BTBD9: variants seen among roughly 807,000 people sequenced by gnomAD.
The protein encoded by BTBD9 is BTB/POZ domain-containing protein 9.
In BTBD9, 49 loss-of-function variants were observed where a neutral mutation model predicts 64.3. The observed-to-expected ratio is 0.76, with a 90% CI of 0.61 to 0.97. BTBD9 has a LOEUF of 0.97. BTBD9 is among the 50% of genes least tolerant of loss of function. The probability of loss-of-function intolerance (pLI) is 0.00; values close to 1 mark genes in which losing one functional copy is unlikely to be tolerated. For synonymous variants in BTBD9, 260 were observed against 274.7 expected (o/e 0.95, Z 0.53); for missense variants, 598 against 762.1 (o/e 0.78, Z 2.53).
intron 6 of BTBD9, among the ~76,000 whole-genome samples, chr6:38,367,544 T>C (rs762015637): frequency 3.4e-4 from 51 of 152,032 alleles, no homozygotes; most frequent in Non-Finnish European, 6.0e-4. Flanking sequence ...ATGTTTGCAG[T>C]GAGGGCTCAA....
chr6:38,472,028 T>C (rs1477131020), intron 6 of BTBD9, among the ~76,000 whole-genome samples: 3 of 152,208 alleles, frequency 2.0e-5, no homozygotes, highest in African/African-American at 7.2e-5. Context: ...GATTCCACTT[T>C]GCCTCTGTAG....
chr6:38,436,557 G>A (rs9349082), intron 6 of BTBD9, among the ~76,000 whole-genome samples: 31,057 of 151,480 alleles, frequency 0.21, 3,927 homozygotes, highest in East Asian at 0.48. Context: ...TGTATTTTTA[G>A]TAGAGACGGA....
At chr6:38,502,342 G>A (rs1412642455) in intron 6 of BTBD9, among the ~76,000 whole-genome samples, 1 of 152,078 alleles carries the variant, frequency 6.6e-6, no homozygotes, top group Non-Finnish European at 1.5e-5. Context: ...TTTTTCCATG[G>A]TGTATTCTCT....
intron 7 of BTBD9, among the ~76,000 whole-genome samples, chr6:38,321,889 GT>G (rs1317465243): frequency 6.6e-6 from 1 of 151,260 alleles, no homozygotes; most frequent in Non-Finnish European, 1.5e-5. Flanking sequence ...AAGAGAAACA[GT>G]TTTTTTCAAA....
chr6:38,405,341 C>T (rs1767116862), intron 6 of BTBD9, among the ~76,000 whole-genome samples: 1 of 152,146 alleles, frequency 6.6e-6, no homozygotes, highest in Admixed American at 6.5e-5. Flanking sequence ...CATTGTAGGG[C>T]TCCTGCCAAC....
chr6:38,594,186 C>T lies in BTBD9; in HGVS notation c.327G>A (p.Val109=). ...GAGCCAGGCTCAAAAAGTCCAGCAG[C>T]ACCTCCTCCTTCTCATCTGTCAGCG... is the stretch of plus-strand genomic sequence containing the variant. ...RATLTDEKEE[V]LLDFLSLAHK... is the part of the protein sequence containing the mutation. The change falls in exon 3 of 11, where the codon GTG becomes GTA. Residue 109 remains valine (V), a synonymous_variant. Transcript: ENST00000481247. The T allele has an allele frequency of 6.2e-7, 1 of 1,614,208 alleles. No homozygotes were observed.
intron 8 of BTBD9, among the ~76,000 whole-genome samples, chr6:38,278,638 A>T (rs915916574): frequency 4.6e-5 from 7 of 152,200 alleles, no homozygotes; most frequent in African/African-American, 1.7e-4. Context: ...CTATGCTTTG[A>T]TTTCTTCATC....
chr6:38,396,972 G>A (rs1334875283), intron 6 of BTBD9, among the ~76,000 whole-genome samples: 30 of 143,558 alleles, frequency 2.1e-4, no homozygotes, highest in Non-Finnish European at 1.5e-5. Flanking sequence ...CGCAATCTCG[G>A]CTCACTGCAA....
chr6:38,421,183 T>A (rs1453833059), intron 6 of BTBD9, among the ~76,000 whole-genome samples: 3 of 151,666 alleles, frequency 2.0e-5, no homozygotes, highest in Non-Finnish European at 4.4e-5. Context: ...CAAAACCCCA[T>A]CTCCACTAAA....
chr6:38,522,431 C>T (rs1773313168), intron 6 of BTBD9, among the ~76,000 whole-genome samples: 1 of 152,218 alleles, frequency 6.6e-6, no homozygotes, highest in African/African-American at 2.4e-5. Context: ...GATTCAATAA[C>T]TATTTTAGGC....
At chr6:38,575,718 C>G (rs1302492007) in intron 6 of BTBD9, among the ~76,000 whole-genome samples, 7 of 151,944 alleles carry the variant, frequency 4.6e-5, no homozygotes, top group Non-Finnish European at 7.4e-5. Context: ...TTAAAAAATT[C>G]TTATTAACAT....
intron 8 of BTBD9, among the ~76,000 whole-genome samples, chr6:38,261,718 C>CT (rs1561941117): frequency 6.6e-6 from 1 of 152,160 alleles, no homozygotes; most frequent in Non-Finnish European, 1.5e-5. Flanking sequence ...GGCCTAAATT[C>CT]TTTTTTTCTG....
chr6:38,255,873 A>C (rs552418249), intron 9 of BTBD9, among the ~76,000 whole-genome samples: 2 of 152,132 alleles, frequency 1.3e-5, no homozygotes, highest in Non-Finnish European at 2.9e-5. Context: ...CAATGAGAAC[A>C]CTTGGACATA....
chr6:38,564,329 T>G (rs555039655), intron 6 of BTBD9, among the ~76,000 whole-genome samples: 1 of 152,342 alleles, frequency 6.6e-6, no homozygotes, highest in East Asian at 1.9e-4. Flanking sequence ...CTGTTAATTC[T>G]AGTCCCAGTA....
At chr6:38,343,279 C>T (rs1267098319) in intron 7 of BTBD9, among the ~76,000 whole-genome samples, 1 of 152,160 alleles carries the variant, frequency 6.6e-6, no homozygotes, top group Non-Finnish European at 1.5e-5. Context: ...CAACAGCACC[C>T]CTCATTACAA....
chr6:38,615,770 G>T (rs72855181), intron 1 of BTBD9, among the ~76,000 whole-genome samples: 23,039 of 152,246 alleles, frequency 0.15, 2,282 homozygotes, highest in Non-Finnish European at 0.23. Context: ...TCAGTGCCTA[G>T]AAAAGTACCT....
At chr6:38,596,020 G>A in intron 2 of BTBD9, 1 of 985,426 alleles carries the variant, frequency 1.0e-6, no homozygotes, top group Non-Finnish European at 1.2e-6. Context: ...GACAAGCACA[G>A]AGGTTCAATG....
chr6:38,179,972 C>G (rs903678703), intron 10 of BTBD9: 1 of 391,112 alleles, frequency 2.6e-6, no homozygotes, highest in African/African-American at 2.1e-5. Flanking sequence ...CTCCTGGCAG[C>G]CTGTCTGTAA....
chr6:38,322,803 C>T (rs560736812), intron 7 of BTBD9, among the ~76,000 whole-genome samples: 1 of 152,288 alleles, frequency 6.6e-6, no homozygotes, highest in East Asian at 1.9e-4. Context: ...TACAAGAAAT[C>T]CTGCCTTTTA....
Sources: gnomAD v4.1 joint callset for allele counts (sites outside exome capture counted in the v4.1 genomes callset) on GRCh38, gnomAD v4.1.1 for gene constraint, MANE v1.5 for transcripts, NCBI Gene and HGNC (gene_info 2026-07-23, HGNC 2026-07-21) for gene names.